The following ITGA7 variants were observed in gnomAD, a reference collection of about 807,000 sequenced individuals.
ITGA7 encodes integrin alpha-7.
ITGA7 carries 84 observed loss-of-function variants against 131.6 expected under a neutral mutation model. That is an observed-to-expected ratio of 0.64 (90% CI 0.54 to 0.77). The LOEUF is 0.77. Ranked by LOEUF, ITGA7 falls within the 30% of genes least tolerant of loss-of-function variation. The pLI is 0.00. For synonymous variants in ITGA7, 548 were observed against 600.7 expected (o/e 0.91, Z 1.28); for missense variants, 1,399 against 1,482.9 (o/e 0.94, Z 0.93).
chr12:55,690,697 C>T (rs1871238448), intron 21 of ITGA7, among the ~76,000 whole-genome samples: 1 of 146,254 alleles, frequency 6.8e-6, no homozygotes, highest in African/African-American at 2.5e-5. Flanking sequence ...GCACTATTCA[C>T]AATAGCAAAG....
chr12:55,697,865 A>G lies in ITGA7; in HGVS notation c.1282-43T>C, dbSNP rs767083641. On this transcript the variant is annotated intron_variant, in intron 8 of 24. Coordinates refer to ENST00000257879, the MANE Select transcript of ITGA7 (RefSeq NM_002206.3). ...AGCCTCCCTCAATCCCACCTCCCGC[A>G]GGCCTCTGCCTCCCCTGATGCCTCT... The G allele has an allele frequency of 3.7e-6, 6 of 1,613,944 alleles. No homozygotes were observed. The African/African-American group carries it at 4.0e-5, about 11-fold the overall frequency.
chr12:55,696,971 G>A lies in ITGA7; in HGVS notation c.1665C>T (p.His555=). 6.2e-7 allele frequency: 1 copy of A among 1,614,170 alleles called. No homozygotes were observed. Among genetic ancestry groups the A allele is most frequent in the South Asian group, 1.1e-5 (1 of 91,086 alleles). ...FLSRNLEEPK[H]QASGTVWLKH... is the part of the protein sequence containing the mutation. ...TCAGCCACACGGTGCCCGAGGCCTG[G>A]TGCTTGGGTTCTTCCAGGTTACGGC... The change falls in exon 12 of 25, where the codon CAC becomes CAT. Residue 555 remains histidine (H), a synonymous_variant. Coordinates refer to ENST00000257879, the MANE Select transcript of ITGA7 (RefSeq NM_002206.3).
At chr12:55,716,095 G>C (rs751648779), upstream of ITGA7, 5 of 1,593,554 alleles carry the variant, frequency 3.1e-6, no homozygotes, top group Non-Finnish European at 4.3e-6. Flanking sequence ...TTCCGGAGCC[G>C]GAGGGGGCCC....
upstream of ITGA7, among the ~76,000 whole-genome samples, chr12:55,715,173 T>C (rs777762352): frequency 6.6e-6 from 1 of 152,232 alleles, no homozygotes; most frequent in Non-Finnish European, 1.5e-5. Flanking sequence ...ACGGCATTTT[T>C]ATAAGCCTTG....
chr12:55,685,227 T>C lies in ITGA7; in HGVS notation c.3245A>G (p.Lys1082Arg). 1 of 1,614,222 alleles carries C rather than the reference T, an allele frequency of 6.2e-7. No homozygotes were observed. Among genetic ancestry groups the C allele is most frequent in the Non-Finnish European group, 8.5e-7 (1 of 1,180,030 alleles). The change falls in exon 25 of 25, where the codon AAG (lysine) becomes AGG (arginine). Residue 1082 changes from lysine (K) to arginine (R), a missense_variant. Physicochemically the swap from Lys to Arg is conservative, Grantham distance 26. Transcript: ENST00000257879. ...CTGCTGTCGGTCTTCCCGAGGAATC[T>C]TCACCGCATGGTACTGGGGCACGGT... is the stretch of plus-strand genomic sequence containing the variant. ...EATVPQYHAV[K>R]IPREDRQQFK...
chr12:55,711,945 C>A (rs1362063430), upstream of ITGA7: 1 of 827,540 alleles, frequency 1.2e-6, no homozygotes, highest in Non-Finnish European at 2.0e-6. Flanking sequence ...AGAACACACA[C>A]TTCAGGGCTA....
At chr12:55,716,110 T>C (rs1490181692), upstream of ITGA7, 4 of 1,605,194 alleles carry the variant, frequency 2.5e-6, no homozygotes, top group Admixed American at 1.7e-5. Context: ...GGGCCCGGCG[T>C]ACCCAGCCCC....
chr12:55,705,314 G>A (rs541579216), intron 1 of ITGA7, among the ~76,000 whole-genome samples: 34 of 148,390 alleles, frequency 2.3e-4, no homozygotes, highest in African/African-American at 6.8e-4. Context: ...CATGCCATAC[G>A]CCCTAACCAC....
upstream of ITGA7, among the ~76,000 whole-genome samples, chr12:55,715,632 T>G (rs192066795): frequency 4.5e-4 from 69 of 152,234 alleles, no homozygotes; most frequent in African/African-American, 1.6e-3. Context: ...CACCCAGAGC[T>G]GAGAGACTTC....
Position 55,697,022 on chromosome 12 carries a change from GC to G in ITGA7, c.1613del (p.Gly538AlafsTer6). On this transcript the variant is annotated frameshift_variant, in exon 12 of 25. Transcript: ENST00000257879. LOFTEE classifies it high-confidence loss of function. ...TCAGGAACGTCACACGGGGAACCTG[GC>G]CCCGGAGCCTCCGGTCTGTGTCCGC... ...LDADTDRRLR[G>X]QVPRVTFLSR... is the part of the protein sequence containing the mutation. The G allele has an allele frequency of 6.2e-7, 1 of 1,614,052 alleles. No individual in the cohort carries two copies. Among genetic ancestry groups the G allele is most frequent in the Non-Finnish European group, 8.5e-7 (1 of 1,180,024 alleles).
intron 6 of ITGA7, 36 bp downstream of exon 6, chr12:55,698,674 G>T (rs1470890791): frequency 7.4e-6 from 12 of 1,612,532 alleles, no homozygotes; most frequent in Non-Finnish European, 1.0e-5. Context: ...ACTAGACCCA[G>T]CCTCCCTCAG....
intron 1 of ITGA7, among the ~76,000 whole-genome samples, chr12:55,703,701 A>T (rs1874579200): frequency 6.6e-6 from 1 of 152,028 alleles, no homozygotes. Flanking sequence ...CTAGATACGG[A>T]CCCACTGCCC....
intron 24 of ITGA7, 46 bp downstream of exon 24, chr12:55,687,925 C>A: frequency 6.2e-7 from 1 of 1,613,152 alleles, no homozygotes; most frequent in Non-Finnish European, 8.5e-7. Flanking sequence ...ATGCTGCTCA[C>A]CCAACCAGGA....
chr12:55,703,160 G>A lies in ITGA7; in HGVS notation c.225C>T (p.Pro75=). The A allele has an allele frequency of 6.2e-7, 1 of 1,611,274 alleles. No homozygotes were observed. The highest frequency in any genetic ancestry group is 8.5e-7 in the Non-Finnish European group (1 of 1,179,976). ...GCTGCCCAGGAAGAGCCAGGGCCTG[G>A]GGAGCACCCACCAGCAGCCTGCAAG... ...RPQSWLLVGA[P]QALALPGQQA... is the part of the protein sequence containing the mutation. The change falls in exon 2 of 25, where the codon CCC becomes CCT. Residue 75 remains proline, a synonymous_variant. Transcript: ENST00000257879.
chr12:55,688,867 G>T lies in ITGA7; in HGVS notation c.2935C>A (p.Leu979Ile), dbSNP rs1870838499. ...RAAVLHVWGR[L>I]WNSTFLEEYS... ...ACCTCCAGAAAGGTGCTGTTCCAGAGACGGCCCCAGACATGCAGCACAGCC... is the reference window on the plus strand; with the variant it reads ...ACCTCCAGAAAGGTGCTGTTCCAGATACGGCCCCAGACATGCAGCACAGCC... The change falls in exon 22 of 25, where the codon CTC (leucine) becomes ATC (isoleucine). Residue 979 changes from leucine to isoleucine, a missense_variant. By Grantham distance (5) the Leu-to-Ile change is conservative. Coordinates refer to ENST00000257879, the MANE Select transcript of ITGA7 (RefSeq NM_002206.3). 1.2e-6 allele frequency: 2 copies of T among 1,614,010 alleles called. No individual in the cohort carries two copies. Among genetic ancestry groups the T allele is most frequent in the Non-Finnish European group, 8.5e-7 (1 of 1,179,910 alleles).
At chr12:55,707,450 C>A (rs761793069) in intron 1 of ITGA7, 27 bp downstream of exon 1, 2 of 1,583,748 alleles carry the variant, frequency 1.3e-6, no homozygotes, top group South Asian at 2.2e-5. Context: ...TCGGGCATGG[C>A]GACTCTGGGC....
At chr12:55,702,409 C>A (rs1874250542) in intron 3 of ITGA7, among the ~76,000 whole-genome samples, 1 of 152,120 alleles carries the variant, frequency 6.6e-6, no homozygotes, top group African/African-American at 2.4e-5. Context: ...ACCTCGTGAT[C>A]CACCCACCTC....
In ITGA7 at chr12:55,694,848, T is replaced by C. The variant is rs139707721; in HGVS notation, c.2126A>G (p.His709Arg). The C allele has an allele frequency of 2.5e-6, 4 of 1,613,804 alleles. No homozygotes were observed. In the African/African-American group the frequency reaches 5.3e-5, roughly 22 times the overall value. ...AQPQADGDDA[H>R]EAQLLVMLPD... ...AAGCATGACCAGGAGCTGGGCTTCATGGGCATCATCCCCATCAGCCTGGGG... is the reference window on the plus strand; with the variant it reads ...AAGCATGACCAGGAGCTGGGCTTCACGGGCATCATCCCCATCAGCCTGGGG... Residue 709 changes from histidine (H) to arginine (R), a missense_variant, in exon 15 of 25, where the codon CAT becomes CGT. His to Arg is a conservative substitution (Grantham distance 29). Transcript: ENST00000257879. This position sits in a 1 kb window ranked among gnomAD's most constrained non-coding sequence, Gnocchi z 5.3.
chr12:55,697,145 T>C, intron 11 of ITGA7, 71 bp downstream of exon 11: 1 of 1,578,450 alleles, frequency 6.3e-7, no homozygotes. Flanking sequence ...GGTGCTCTTC[T>C]ACCACCTCGA....
Sources: gnomAD v4.1 joint callset for allele counts (sites outside exome capture counted in the v4.1 genomes callset) on GRCh38, gnomAD v4.1.1 for gene constraint, Gnocchi (gnomAD v3.1) non-coding constraint, MANE v1.5 for transcripts, NCBI Gene and HGNC (gene_info 2026-07-23, HGNC 2026-07-21) for gene names.